Variants in ATP6V1H observed in about 807,000 individuals in gnomAD.
The protein encoded by ATP6V1H is V-type proton ATPase subunit H.
ATP6V1H carries 39 observed loss-of-function variants against 71.7 expected under a neutral mutation model. The observed-to-expected ratio is 0.54, with a 90% CI of 0.42 to 0.71. ATP6V1H has a LOEUF of 0.71. Among genes scored for constraint, ATP6V1H ranks in the 30% least tolerant of loss-of-function variants. The pLI is 0.00. For synonymous variants in ATP6V1H, 192 were observed against 199.3 expected, an observed-to-expected ratio of 0.96 and a Z score of 0.31; for missense variants, 509 against 594.9, an observed-to-expected ratio of 0.86 and a Z score of 1.50.
chr8:53,790,221 T>A (rs1277654973), intron 9 of ATP6V1H, among the ~76,000 whole-genome samples: 1 of 152,240 alleles, frequency 6.6e-6, no homozygotes, highest in African/African-American at 2.4e-5. Context: ...GGCCAGTCTT[T>A]ACCTCCAGGT....
intron 12 of ATP6V1H, among the ~76,000 whole-genome samples, chr8:53,755,614 C>T (rs1039038866): frequency 8.0e-5 from 11 of 138,056 alleles, no homozygotes; most frequent in African/African-American, 8.1e-5. Context: ...AGCCAGTGCT[C>T]GCAAAATGGC....
At chr8:53,752,364 C>T (rs2130232398) in intron 12 of ATP6V1H, among the ~76,000 whole-genome samples, 1 of 152,266 alleles carries the variant, frequency 6.6e-6, no homozygotes, top group South Asian at 2.1e-4. Context: ...ATGGGCTGGT[C>T]AACTGAGTGT....
chr8:53,796,513 TAA>T lies in ATP6V1H; in HGVS notation c.678-676_678-675del, dbSNP rs10708370. 2.4e-3 allele frequency among the ~76,000 whole-genome samples: 338 copies of T among 142,076 alleles called. 2 individuals carry two copies. Among genetic ancestry groups the T allele is most frequent in the African/African-American group, 8.2e-3 (324 of 39,652 alleles). 93.2% of individuals were successfully genotyped at this position (142,076 alleles called of 152,430 possible). A position where few individuals can be genotyped will look rare whatever the true frequency, so the allele number is the denominator to read the frequency against. Reference sequence around the variant, plus strand: ...AGAATAGAGTTCAGAAATCATCAAATAAAAAAAAAAACAGAAATCATCAAATA... The same window carrying T: ...AGAATAGAGTTCAGAAATCATCAAATAAAAAAAAACAGAAATCATCAAATA... On this transcript the variant is annotated intron_variant, in intron 8 of 13. Transcript: ENST00000359530.
At chr8:53,721,797 A>G (rs1030788369) in intron 13 of ATP6V1H, among the ~76,000 whole-genome samples, 7 of 152,228 alleles carry the variant, frequency 4.6e-5, no homozygotes, top group Non-Finnish European at 1.0e-4. Flanking sequence ...CAAATCCTCA[A>G]TTTATTTTCT....
intron 13 of ATP6V1H, among the ~76,000 whole-genome samples, chr8:53,736,090 A>G (rs1394983746): frequency 2.6e-5 from 4 of 152,222 alleles, no homozygotes; most frequent in African/African-American, 7.2e-5. Flanking sequence ...TAGGCCTAGT[A>G]GTATTCTTGT....
chr8:53,798,119 T>C (rs931522841), intron 8 of ATP6V1H, among the ~76,000 whole-genome samples: 11 of 152,200 alleles, frequency 7.2e-5, no homozygotes, highest in Non-Finnish European at 1.6e-4. Context: ...AATTTTTCTA[T>C]CTTACATAGG....
At chr8:53,736,607 C>T (rs1044170811) in intron 13 of ATP6V1H, among the ~76,000 whole-genome samples, 3 of 152,226 alleles carry the variant, frequency 2.0e-5, no homozygotes, top group Non-Finnish European at 4.4e-5. Flanking sequence ...CTGTATTACC[C>T]TTATTCCTTC....
At chr8:53,834,716 G>A (rs1386525915) in intron 2 of ATP6V1H, among the ~76,000 whole-genome samples, 2 of 152,150 alleles carry the variant, frequency 1.3e-5, no homozygotes, top group East Asian at 1.9e-4. Context: ...GAGCCACTGC[G>A]CCTGGCCCCA....
At chr8:53,791,370 T>C (rs1349157335) in intron 9 of ATP6V1H, among the ~76,000 whole-genome samples, 3 of 152,188 alleles carry the variant, frequency 2.0e-5, no homozygotes, top group Non-Finnish European at 4.4e-5. Flanking sequence ...GAAATATTCA[T>C]GTTGGCCCCA....
At chr8:53,771,762 T>C (rs975078402) in intron 10 of ATP6V1H, among the ~76,000 whole-genome samples, 5 of 152,204 alleles carry the variant, frequency 3.3e-5, no homozygotes. Flanking sequence ...GGTCAGAGTT[T>C]AGACGGCAGA....
chr8:53,771,968 G>A, intron 10 of ATP6V1H, 21 bp downstream of exon 10: 1 of 1,598,858 alleles, frequency 6.3e-7, no homozygotes. Flanking sequence ...CAGCACATGA[G>A]AATTAAAAAG....
intron 13 of ATP6V1H, among the ~76,000 whole-genome samples, chr8:53,735,883 C>T (rs367611431): frequency 6.6e-6 from 1 of 152,208 alleles, no homozygotes; most frequent in African/African-American, 2.4e-5. Context: ...GGATCCACCA[C>T]AGTCGGCTAA....
intron 13 of ATP6V1H, among the ~76,000 whole-genome samples, chr8:53,743,224 G>C (rs996928194): frequency 6.6e-6 from 1 of 152,140 alleles, no homozygotes; most frequent in African/African-American, 2.4e-5. Context: ...TTTACCATAT[G>C]CTGAATAGGT....
intron 7 of ATP6V1H, among the ~76,000 whole-genome samples, chr8:53,805,620 AC>A (rs1237914373): frequency 6.6e-6 from 1 of 152,186 alleles, no homozygotes; most frequent in African/African-American, 2.4e-5. Flanking sequence ...AAATTTACAT[AC>A]ATCCCATTAA....
chr8:53,840,068 T>C (rs796196206), intron 2 of ATP6V1H: 15 of 280,210 alleles, frequency 5.4e-5, no homozygotes, highest in African/African-American at 3.0e-4. Context: ...ACTTGCCACA[T>C]GGCTAAATAC....
chr8:53,828,954 C>T (rs1228464140), intron 4 of ATP6V1H, among the ~76,000 whole-genome samples: 1 of 152,056 alleles, frequency 6.6e-6, no homozygotes, highest in Non-Finnish European at 1.5e-5. Context: ...TAATTGGGTT[C>T]AGGGATGGTA....
intron 10 of ATP6V1H, among the ~76,000 whole-genome samples, chr8:53,771,073 T>C (rs1419512012): frequency 3.9e-5 from 6 of 152,194 alleles, no homozygotes; most frequent in Non-Finnish European, 8.8e-5. Context: ...CTGGAGCACA[T>C]ACTATGCTGA....
chr8:53,753,592 C>T (rs151201047), intron 12 of ATP6V1H, among the ~76,000 whole-genome samples: 50 of 152,284 alleles, frequency 3.3e-4, no homozygotes, highest in African/African-American at 1.2e-3. Flanking sequence ...TCACTTTCAG[C>T]GTTTTAAAAC....
chr8:53,752,652 G>A (rs1167966809), intron 12 of ATP6V1H, among the ~76,000 whole-genome samples: 13 of 152,168 alleles, frequency 8.5e-5, no homozygotes, highest in Admixed American at 8.5e-4. Flanking sequence ...CTGGGTTCAA[G>A]CGATTATCCT....
Sources: gnomAD v4.1 joint callset for allele counts (sites outside exome capture counted in the v4.1 genomes callset) on GRCh38, gnomAD v4.1.1 for gene constraint, MANE v1.5 for transcripts, NCBI Gene and HGNC (gene_info 2026-07-23, HGNC 2026-07-21) for gene names.